Variants in THSD7A observed in about 807,000 individuals in gnomAD.
The protein encoded by THSD7A is thrombospondin type 1 domain containing 7A, also known as thrombospondin type-1 domain-containing protein 7A.
THSD7A carries 96 observed loss-of-function variants against 231.3 expected under a neutral mutation model. The observed-to-expected ratio is 0.41, with a 90% confidence interval of 0.35 to 0.49. The LOEUF (loss-of-function observed/expected upper bound fraction) is 0.49. THSD7A is among the 20% of genes least tolerant of loss of function. The pLI, the probability that THSD7A is intolerant of heterozygous loss-of-function variation, is 0.05. For synonymous variants in THSD7A, 940 were observed against 743.3 expected, an observed-to-expected ratio of 1.26 and a Z score of -4.30; for missense variants, 2,290 against 2,070.2, an observed-to-expected ratio of 1.11 and a Z score of -2.06.
chr7:11,498,539 T>G (rs1787202321), intron 6 of THSD7A, among the ~76,000 whole-genome samples: 1 of 152,190 alleles, frequency 6.6e-6, no homozygotes, highest in East Asian at 1.9e-4. Context: ...TGTTGGTGAC[T>G]TAGCTGTTCC....
At chr7:11,470,168 T>C (rs768129860) in intron 8 of THSD7A, among the ~76,000 whole-genome samples, 174 bp from the exon 9 acceptor site, 1 of 152,176 alleles carries the variant, frequency 6.6e-6, no homozygotes, top group African/African-American at 2.4e-5. Flanking sequence ...CTAAATTGAT[T>C]GTTTCAAACC....
At chr7:11,622,899 G>A (rs1211071175) in intron 2 of THSD7A, among the ~76,000 whole-genome samples, 1 of 152,126 alleles carries the variant, frequency 6.6e-6, no homozygotes, top group Admixed American at 6.5e-5. Context: ...TATAACATAG[G>A]TATCCCTTAG....
At position 11,831,374 on chromosome 7, in the gene THSD7A, C is replaced by G. The variant is rs1785187002; in HGVS notation, c.190+383G>C. Among the ~76,000 whole-genome samples, 1 of 152,176 alleles carries G rather than the reference C, an allele frequency of 6.6e-6. No homozygotes were observed. Among genetic ancestry groups the G allele is most frequent in the South Asian group, 2.1e-4 (1 of 4,828 alleles). On this transcript the variant is annotated intron_variant, in intron 1 of 27. Transcript: ENST00000423059. The surrounding 1 kb of genome is among the most constrained non-coding windows in gnomAD (Gnocchi z 5.0). ...TATCCACAAATGTCATGACAGTGAG[C>G]ATATTGCTTTGCCTAAAGAATAAAG... is the stretch of plus-strand genomic sequence containing the variant.
At chr7:11,825,651 T>C (rs1045621694) in intron 1 of THSD7A, among the ~76,000 whole-genome samples, 6 of 152,148 alleles carry the variant, frequency 3.9e-5, no homozygotes, top group African/African-American at 1.4e-4. Flanking sequence ...TTACATGCAT[T>C]ACCACATTTA....
intron 2 of THSD7A, among the ~76,000 whole-genome samples, chr7:11,621,637 G>C (rs1781314084): frequency 6.6e-6 from 1 of 151,916 alleles, no homozygotes; most frequent in African/African-American, 2.4e-5. Context: ...TAAATCCTTG[G>C]CACTTAAAGA....
chr7:11,534,349 T>G (rs1788828539), intron 6 of THSD7A, among the ~76,000 whole-genome samples: 2 of 152,164 alleles, frequency 1.3e-5, no homozygotes, highest in African/African-American at 4.8e-5. Flanking sequence ...TGATATTGTG[T>G]GAGTTCAAGA....
At chr7:11,767,344 A>G (rs1264023653) in intron 1 of THSD7A, among the ~76,000 whole-genome samples, 2 of 152,130 alleles carry the variant, frequency 1.3e-5, no homozygotes, top group African/African-American at 2.4e-5. Context: ...TGTGTGTGCA[A>G]TTCTTCCCTT....
chr7:11,807,394 AC>A (rs1226470912), intron 1 of THSD7A, among the ~76,000 whole-genome samples: 6 of 152,154 alleles, frequency 3.9e-5, no homozygotes, highest in Non-Finnish European at 8.8e-5. Flanking sequence ...CAAATATACT[AC>A]TTATTTGGGG....
intron 4 of THSD7A, among the ~76,000 whole-genome samples, chr7:11,550,194 C>A (rs939686700): frequency 6.6e-6 from 1 of 152,048 alleles, no homozygotes; most frequent in African/African-American, 2.4e-5. Flanking sequence ...ACACCAATAA[C>A]ATCCAAGATG....
At chr7:11,807,293 G>T (rs1163121577) in intron 1 of THSD7A, among the ~76,000 whole-genome samples, 1 of 152,058 alleles carries the variant, frequency 6.6e-6, no homozygotes, top group African/African-American at 2.4e-5. Flanking sequence ...GATCAAGGTG[G>T]AAATTTATTT....
Position 11,372,944 on chromosome 7 carries a change from C to T in THSD7A, c.*2850G>A, listed in dbSNP as rs572724815. ...CCAGATTGCTACGTTCTCCTCTTTC[C>T]ACCTTTCTAACGAGGTTATCCAGTA... On this transcript the variant is annotated 3_prime_UTR_variant, in exon 28 of 28. Coordinates refer to ENST00000423059, the MANE Select transcript of THSD7A (RefSeq NM_015204.3). 3.3e-5 allele frequency: 5 copies of T among 151,962 alleles called. No homozygotes were observed. Among genetic ancestry groups the T allele is most frequent in the African/African-American group, 9.6e-5 (4 of 41,494 alleles). The allele number at this position is 151,962 out of a possible 1,614,324, so 9.4% of individuals were successfully genotyped here. A position where few individuals can be genotyped will look rare whatever the true frequency, so the allele number is the denominator to read the frequency against.
chr7:11,669,998 T>C (rs1344598489), intron 1 of THSD7A, among the ~76,000 whole-genome samples: 4 of 152,052 alleles, frequency 2.6e-5, no homozygotes, highest in Non-Finnish European at 5.9e-5. Flanking sequence ...TGTGTTTATG[T>C]GCAAGCTTGT....
chr7:11,534,549 C>T (rs1788836506), intron 6 of THSD7A, among the ~76,000 whole-genome samples: 1 of 152,172 alleles, frequency 6.6e-6, no homozygotes, highest in Admixed American at 6.6e-5. Flanking sequence ...CAAACTTCCA[C>T]AAGAGAGCTC....
intron 23 of THSD7A, among the ~76,000 whole-genome samples, chr7:11,390,987 C>T (rs1369423497): frequency 6.6e-6 from 1 of 152,214 alleles, no homozygotes; most frequent in African/African-American, 2.4e-5. Flanking sequence ...CAGAGGGGCA[C>T]CTGCCAGATG....
intron 1 of THSD7A, among the ~76,000 whole-genome samples, chr7:11,701,388 C>T (rs1434160965): frequency 1.3e-5 from 2 of 151,120 alleles, no homozygotes. Context: ...ATATGATTTT[C>T]CTTCTTAGTT....
chr7:11,451,912 T>A (rs1457525331), intron 11 of THSD7A, among the ~76,000 whole-genome samples: 1 of 152,052 alleles, frequency 6.6e-6, no homozygotes, highest in East Asian at 1.9e-4. Context: ...CTTCAGCGTG[T>A]AAGGCCATGC....
At chr7:11,722,510 T>G (rs1007301151) in intron 1 of THSD7A, among the ~76,000 whole-genome samples, 1 of 151,876 alleles carries the variant, frequency 6.6e-6, no homozygotes, top group African/African-American at 2.4e-5. Context: ...CAACTGGTCC[T>G]GTGGCCCCCA....
intron 13 of THSD7A, among the ~76,000 whole-genome samples, chr7:11,441,083 A>C (rs560771887): frequency 5.8e-4 from 89 of 152,166 alleles, no homozygotes; most frequent in Non-Finnish European, 1.1e-3. Context: ...GAAAAAAATC[A>C]TTCTCTCCAG....
At chr7:11,381,736 A>T (rs150914163) in intron 24 of THSD7A, among the ~76,000 whole-genome samples, 268 of 152,282 alleles carry the variant, frequency 1.8e-3, no homozygotes, top group African/African-American at 6.3e-3. Context: ...GCCTGAAATT[A>T]AGGTTCTGGT....
Sources: allele counts gnomAD v4.1 joint callset (sites outside exome capture counted in the v4.1 genomes callset), GRCh38; gene constraint gnomAD v4.1.1; non-coding constraint Gnocchi (gnomAD v3.1); transcripts MANE v1.5; gene names NCBI Gene and HGNC (gene_info 2026-07-23, HGNC 2026-07-21).